Variants in HNRNPUL2 observed in about 807,000 individuals in gnomAD.
HNRNPUL2 encodes heterogeneous nuclear ribonucleoprotein U like 2.
In HNRNPUL2, 27 loss-of-function variants were observed where a neutral mutation model predicts 102.2. That is an observed-to-expected ratio of 0.26 (90% CI 0.19 to 0.36). The LOEUF (loss-of-function observed/expected upper bound fraction) is 0.36. Among genes scored for constraint, HNRNPUL2 ranks in the 10% least tolerant of loss-of-function variants. HNRNPUL2 has a pLI of 1.00. For synonymous variants in HNRNPUL2, 458 were observed against 387.2 expected (o/e 1.18, Z -2.15); for missense variants, 936 against 981.1 (o/e 0.95, Z 0.61).
Position 62,723,600 on chromosome 11 carries a change from C to A in HNRNPUL2, c.878G>T (p.Cys293Phe), listed in dbSNP as rs1160351464. The change falls in exon 4 of 14, where the codon TGC becomes TTC. Residue 293 changes from cysteine to phenylalanine, a missense_variant. By Grantham distance (205) the Cys-to-Phe change is radical. This residue lies in a region of HNRNPUL2 where 609 missense variants were observed against 713.0 expected (regional missense o/e 0.85). Coordinates refer to ENST00000301785, the MANE Select transcript of HNRNPUL2 (RefSeq NM_001079559.3). ...TTAATGAGCTACCTTTGCCTCAAAGCAGACTTTTCCCTTTGTCACTCCGTA... is the reference window on the plus strand; with the variant it reads ...TTAATGAGCTACCTTTGCCTCAAAGAAGACTTTTCCCTTTGTCACTCCGTA... ...STYGVTKGKVCFEAKVTQNLP... is the reference protein window; with the variant it reads ...STYGVTKGKVFFEAKVTQNLP... 1.2e-6 allele frequency: 2 copies of A among 1,608,656 alleles called. No individual in the cohort carries two copies. The highest frequency in any genetic ancestry group is 3.4e-5 in the Admixed American group (2 of 59,404).
Position 62,721,896 on chromosome 11 carries a change from G to A in HNRNPUL2, c.1406C>T (p.Ala469Val). Residue 469 changes from alanine to valine, a missense_variant, in exon 8 of 14, where the codon GCA (alanine) becomes GTA (valine). By Grantham distance (64) the Ala-to-Val change is moderately conservative. Around this residue, in one of 2 missense-constraint regions of HNRNPUL2, gnomAD observed 609 missense variants for 713.0 expected, o/e 0.85. Coordinates refer to ENST00000301785, the MANE Select transcript of HNRNPUL2 (RefSeq NM_001079559.3). ...GLPGSGKTQW[A>V]LKYAKENPEK... is the part of the protein sequence containing the mutation. ...AGGGTTTTCTTTTGCATATTTCAGT[G>A]CCCACTGGGTCTTTCCAGATCCGGG... is the stretch of plus-strand genomic sequence containing the variant. 1 of 1,614,068 alleles carries A rather than the reference G, an allele frequency of 6.2e-7. No homozygotes were observed. The highest frequency in any genetic ancestry group is 1.1e-5 in the South Asian group (1 of 91,078).
intron 4 of HNRNPUL2, 124 bp downstream of exon 4, chr11:62,723,463 C>T: frequency 9.6e-7 from 1 of 1,042,250 alleles, no homozygotes; most frequent in East Asian, 2.6e-5. Flanking sequence ...TGGACTCCAG[C>T]CTGGGTAACA....
rs1026966948 is a variant in HNRNPUL2, at chr11:62,727,186, G to C, written c.-30C>G. ...GCCGCCGCCTCCTCCGCCTCCCGCC[G>C]CCTCCTCCCCTGCGAACCGTCGACC... is the stretch of plus-strand genomic sequence containing the variant. On this transcript the variant is annotated 5_prime_UTR_variant, in exon 1 of 14. Coordinates refer to ENST00000301785, the MANE Select transcript of HNRNPUL2 (RefSeq NM_001079559.3). 1 of 1,402,360 alleles carries C rather than the reference G, an allele frequency of 7.1e-7. No individual in the cohort carries two copies. Among genetic ancestry groups the C allele is most frequent in the Non-Finnish European group, 9.3e-7 (1 of 1,077,608 alleles). 86.9% of individuals were successfully genotyped at this position (1,402,360 alleles called of 1,614,324 possible). A position where few individuals can be genotyped will look rare whatever the true frequency, so the allele number is the denominator to read the frequency against.
chr11:62,723,917 T>G lies in HNRNPUL2; in HGVS notation c.748A>C (p.Thr250Pro). Residue 250 changes from threonine to proline, a missense_variant, in exon 3 of 14, where the codon ACG (threonine) becomes CCG (proline). Physicochemically the swap from Thr to Pro is conservative, Grantham distance 38 (BLOSUM62 -1). Around this residue, in one of 2 missense-constraint regions of HNRNPUL2, gnomAD observed 609 missense variants for 713.0 expected, o/e 0.85. Transcript: ENST00000301785. ...AGTCTGTCTGCCTTATACATACACG[T>G]GTCCAGGTTCACAAGAGTTTGATCC... is the stretch of plus-strand genomic sequence containing the variant. The part of the protein sequence containing the change: ...EEDQTLVNLD[T>P]YTSDLHFQVS... 6.2e-7 allele frequency: 1 copy of G among 1,613,864 alleles called. No individual in the cohort carries two copies. Among genetic ancestry groups the G allele is most frequent in the South Asian group, 1.1e-5 (1 of 91,086 alleles).
chr11:62,725,072 G>A (rs148903143), intron 1 of HNRNPUL2, among the ~76,000 whole-genome samples: 18 of 152,280 alleles, frequency 1.2e-4, no homozygotes, highest in African/African-American at 3.6e-4. Context: ...GGGGCAGAAA[G>A]GTGTTGTTGT....
rs935465304 is a variant in HNRNPUL2, at chr11:62,726,810, G to A, written c.347C>T (p.Ala116Val). 2 of 1,593,798 alleles carry A rather than the reference G, an allele frequency of 1.3e-6. No individual in the cohort carries two copies. The highest frequency in any genetic ancestry group is 1.7e-6 in the Non-Finnish European group (2 of 1,176,602). Residue 116 changes from alanine (A) to valine (V), a missense_variant, in exon 1 of 14, where the codon GCG (alanine) becomes GTG (valine). Coordinates refer to ENST00000301785, the MANE Select transcript of HNRNPUL2 (RefSeq NM_001079559.3). ...CTCGGCCGCGGCCTCCATGGCTGCCGCCTCCGGGGGCTCCGGCGGCGGCTG... is the reference window on the plus strand; with the variant it reads ...CTCGGCCGCGGCCTCCATGGCTGCCACCTCCGGGGGCTCCGGCGGCGGCTG... Reference protein sequence around the residue: ...AAQPPPEPPEAAAMEAAAEPD... With the variant: ...AAQPPPEPPEVAAMEAAAEPD...
At position 62,714,576 on chromosome 11, in the gene HNRNPUL2, G is replaced by A. The variant is rs184156785; in HGVS notation, c.*723C>T. The A allele has an allele frequency of 8.5e-5, 13 of 152,164 alleles. No individual in the cohort carries two copies. Among genetic ancestry groups the A allele is most frequent in the Non-Finnish European group, 8.8e-5 (6 of 68,080 alleles). The allele number at this position is 152,164 out of a possible 1,614,324, so 9.4% of individuals were successfully genotyped here. A position where few individuals can be genotyped will look rare whatever the true frequency, so the allele number is the denominator to read the frequency against. ...GCTCTGCCATCAAGGACAGTCCCCA[G>A]GCTTTCTTGGCCTGGGAATCCTGTA... On this transcript the variant is annotated 3_prime_UTR_variant, in exon 14 of 14. Coordinates refer to ENST00000301785, the MANE Select transcript of HNRNPUL2 (RefSeq NM_001079559.3).
Position 62,720,177 on chromosome 11 carries a change from A to G in HNRNPUL2, c.1626T>C (p.Asn542=). 1 of 1,613,930 alleles carries G rather than the reference A, an allele frequency of 6.2e-7. No homozygotes were observed. Among genetic ancestry groups the G allele is most frequent in the Non-Finnish European group, 8.5e-7 (1 of 1,179,776 alleles). Residue 542 remains asparagine, a synonymous_variant, in exon 10 of 14, where the codon AAT becomes AAC. Transcript: ENST00000301785. ...GCAATAGCTTCCGCCGTTGGCCAGA[A>G]TTGTACACATTACACTAAGAACAGG... ...NFILDQCNVY[N]SGQRRKLLLF...
At chr11:62,723,566 T>C (rs2083720745) in intron 4 of HNRNPUL2, 21 bp downstream of exon 4, 1 of 1,578,484 alleles carries the variant, frequency 6.3e-7, no homozygotes, top group Non-Finnish European at 8.6e-7. Context: ...AATGAATGAA[T>C]GAATGGTCTT....
chr11:62,727,256 C>T lies in HNRNPUL2; in HGVS notation c.-100G>A. On this transcript the variant is annotated 5_prime_UTR_variant, in exon 1 of 14. Transcript: ENST00000301785. ...CCGCCGCCGCCGCCCGCCTCCGCCT[C>T]ACGCGCCAGCACTGAGCCCGCGCGA... The T allele has an allele frequency of 8.1e-7, 1 of 1,238,520 alleles. No homozygotes were observed. The allele number at this position is 1,238,520 out of a possible 1,614,324, so 76.7% of individuals were successfully genotyped here.
In HNRNPUL2 at chr11:62,727,011, C is replaced by A. The variant is rs777747949; in HGVS notation, c.146G>T (p.Gly49Val). ...GCAGGCCCCGCCGGGCCCGGCCCCG[C>A]CGCCGCCGGCCTCGTCCTCGAGCAT... ...AEMLEDEAGG[G>V]GAGPGGACKA... Residue 49 changes from glycine (G) to valine (V), a missense_variant, in exon 1 of 14, where the codon GGC (glycine) becomes GTC (valine). Transcript: ENST00000301785. 7.3e-7 allele frequency: 1 copy of A among 1,365,626 alleles called. No homozygotes were observed. The highest frequency in any genetic ancestry group is 9.4e-7 in the Non-Finnish European group (1 of 1,060,452). The allele number at this position is 1,365,626 out of a possible 1,614,324, so 84.6% of individuals were successfully genotyped here.
intron 10 of HNRNPUL2, among the ~76,000 whole-genome samples, chr11:62,719,330 A>T (rs960218565): frequency 6.6e-6 from 1 of 152,160 alleles, no homozygotes; most frequent in Non-Finnish European, 1.5e-5. Context: ...ACATGCTTGT[A>T]ATCTCAGCTA....
intron 10 of HNRNPUL2, among the ~76,000 whole-genome samples, chr11:62,719,521 C>T: frequency 1.3e-5 from 2 of 152,274 alleles, no homozygotes; most frequent in South Asian, 4.1e-4. Context: ...ATTCATTTAT[C>T]TACAAGTGCT....
intron 9 of HNRNPUL2, among the ~76,000 whole-genome samples, chr11:62,720,794 G>A (rs1306919967): frequency 6.7e-6 from 1 of 148,338 alleles, no homozygotes; most frequent in Non-Finnish European, 1.5e-5. Flanking sequence ...AACCTACGAG[G>A]CTGAGCTTGC....
At position 62,727,340 on chromosome 11, in the gene HNRNPUL2, TCTC is replaced by T; in HGVS notation, c.-187_-185del. 1 of 667,778 alleles carries T rather than the reference TCTC, an allele frequency of 1.5e-6. No homozygotes were observed. The highest frequency in any genetic ancestry group is 4.0e-5 in the East Asian group (1 of 24,712). The allele number at this position is 667,778 out of a possible 1,614,324, so 41.4% of individuals were successfully genotyped here. ...ACGGTCCCGCTGCGCAGTGTTTGCT[TCTC>T]CTTCGTCTCCCCTCCCCCTTTCGGC... On this transcript the variant is annotated 5_prime_UTR_variant, in exon 1 of 14. Coordinates refer to ENST00000301785, the MANE Select transcript of HNRNPUL2 (RefSeq NM_001079559.3).
chr11:62,725,657 T>C (rs937409429), intron 1 of HNRNPUL2, among the ~76,000 whole-genome samples: 3 of 152,230 alleles, frequency 2.0e-5, no homozygotes, highest in African/African-American at 7.2e-5. Context: ...CATAGTGGCC[T>C]AAAAATATTA....
intron 1 of HNRNPUL2, 89 bp from the exon 2 acceptor site, chr11:62,724,515 G>A: frequency 2.8e-6 from 4 of 1,429,732 alleles, no homozygotes; most frequent in Non-Finnish European, 3.9e-6. Context: ...GGGAATCTGA[G>A]AATCTGTCTG....
intron 9 of HNRNPUL2, 148 bp downstream of exon 9, chr11:62,721,143 CTAAT>C: frequency 1.5e-6 from 1 of 659,816 alleles, no homozygotes; most frequent in East Asian, 3.0e-5. Context: ...AGTAAAAACA[CTAAT>C]TAGGGGTACC....
chr11:62,727,130 G>C lies in HNRNPUL2; in HGVS notation c.27C>G (p.Thr9=). 2 of 1,449,520 alleles carry C rather than the reference G, an allele frequency of 1.4e-6. No individual in the cohort carries two copies. Among genetic ancestry groups the C allele is most frequent in the South Asian group, 2.6e-5 (2 of 76,182 alleles). 89.8% of individuals were successfully genotyped at this position (1,449,520 alleles called of 1,614,324 possible). The change falls in exon 1 of 14, where the codon ACC becomes ACG. Residue 9 remains threonine (T), a synonymous_variant. Coordinates refer to ENST00000301785, the MANE Select transcript of HNRNPUL2 (RefSeq NM_001079559.3). MEVKRLKV[T]ELRSELQRRG... ...GCCGCTGCAGCTCCGACCGCAGCTC[G>C]GTCACTTTCAGCCGCTTCACCTCCA...
Sources: allele counts gnomAD v4.1 joint callset (sites outside exome capture counted in the v4.1 genomes callset), GRCh38; gene constraint gnomAD v4.1.1; regional missense constraint gnomAD v4.1.1; transcripts MANE v1.5; gene names NCBI Gene and HGNC (gene_info 2026-07-23, HGNC 2026-07-21).